The following CABLES1 variants were observed in gnomAD, a reference collection of about 807,000 sequenced individuals.
CABLES1 encodes the protein CDK5 and ABL1 enzyme substrate 1.
Under a neutral mutation model 57.8 loss-of-function variants are expected in CABLES1, and 36 were observed. The ratio of observed to expected loss-of-function variants is 0.62; its 90% CI spans 0.48 to 0.82. The LOEUF is 0.82. Ranked by LOEUF, CABLES1 falls within the 40% of genes least tolerant of loss-of-function variation. The probability of loss-of-function intolerance (pLI) is 0.00; values close to 1 mark genes in which losing one functional copy is unlikely to be tolerated. For missense variants in CABLES1, 767 were observed against 836.6 expected (o/e 0.92, Z 1.03); for synonymous variants, 374 against 363.0 (o/e 1.03, Z -0.35).
At chr18:23,178,544 A>G (rs2047141553) in intron 1 of CABLES1, among the ~76,000 whole-genome samples, 2 of 152,196 alleles carry the variant, frequency 1.3e-5, no homozygotes, top group Non-Finnish European at 1.5e-5. Context: ...CCCTTTGTCA[A>G]AAGAGTTTGA....
At chr18:23,236,116 G>T in intron 6 of CABLES1, 65 bp downstream of exon 6, 1 of 1,549,776 alleles carries the variant, frequency 6.5e-7, no homozygotes, top group Non-Finnish European at 8.8e-7. Context: ...TTTACATGGG[G>T]ATTGAGTCTC....
chr18:23,218,733 G>A (rs1195312170), intron 4 of CABLES1, among the ~76,000 whole-genome samples: 1 of 152,230 alleles, frequency 6.6e-6, no homozygotes, highest in Non-Finnish European at 1.5e-5. Context: ...CTTGAACACT[G>A]ATTGTGGATT....
At chr18:23,235,821 T>A in intron 5 of CABLES1, 74 bp from the exon 6 acceptor site, 4 of 1,429,316 alleles carry the variant, frequency 2.8e-6, no homozygotes, top group Admixed American at 3.5e-5. Context: ...GGGTGACAAC[T>A]GTAGCTTGAT....
At chr18:23,173,521 C>G (rs1287073763) in intron 1 of CABLES1, among the ~76,000 whole-genome samples, 1 of 152,218 alleles carries the variant, frequency 6.6e-6, no homozygotes, top group Non-Finnish European at 1.5e-5. Flanking sequence ...AAAAACAGTT[C>G]TAATCTGTTG....
At chr18:23,247,225 T>G (rs986577435) in intron 7 of CABLES1, among the ~76,000 whole-genome samples, 2 of 152,200 alleles carry the variant, frequency 1.3e-5, no homozygotes, top group African/African-American at 4.8e-5. Flanking sequence ...TCAGGCTCCC[T>G]CAAGACAGGA....
chr18:23,238,208 C>G (rs2047653148), intron 7 of CABLES1, among the ~76,000 whole-genome samples: 1 of 152,222 alleles, frequency 6.6e-6, no homozygotes, highest in Middle Eastern at 3.2e-3. Context: ...CTGCAGTAGC[C>G]AGAGTGGAAA....
intron 7 of CABLES1, among the ~76,000 whole-genome samples, chr18:23,246,357 A>G (rs961404817): frequency 1.3e-5 from 2 of 151,522 alleles, no homozygotes; most frequent in African/African-American, 4.8e-5. Flanking sequence ...TTACAGTAGC[A>G]TGCACTGGCA....
rs1470217668 is a variant in CABLES1 at position 23,234,642 on chromosome 18, G to A, written c.1123G>A (p.Gly375Ser). The change falls in exon 5 of 10, where the codon GGT becomes AGT. Residue 375 changes from glycine (G) to serine (S), a missense_variant. Physicochemically the swap from Gly to Ser is moderately conservative, Grantham distance 56. Around this residue, in one of 4 missense-constraint regions of CABLES1, gnomAD observed 529 missense variants for 622.8 expected, o/e 0.85. Transcript: ENST00000256925. ...LKLDGGRQST[G>S]AVSLKEIIGL... The stretch of plus-strand genomic sequence containing the variant: ...GTTGGACGGAGGAAGACAATCAACT[G>A]GTGCAGTGAGTTTGAAAGAGATCAT... 6.2e-7 allele frequency: 1 copy of A among 1,613,934 alleles called. No homozygotes were observed.
At chr18:23,169,084 T>C (rs1024038889) in intron 1 of CABLES1, among the ~76,000 whole-genome samples, 5 of 152,164 alleles carry the variant, frequency 3.3e-5, no homozygotes, top group Non-Finnish European at 7.4e-5. Context: ...AAATGGCCAC[T>C]AGAGTGACCT....
chr18:23,150,218 T>A, intron 1 of CABLES1, among the ~76,000 whole-genome samples: 1 of 145,150 alleles, frequency 6.9e-6, no homozygotes, highest in African/African-American at 2.6e-5. Context: ...TTTTTTTTTT[T>A]TTTTTTTTGA....
chr18:23,141,408 T>A (rs2046857132), intron 1 of CABLES1, among the ~76,000 whole-genome samples: 1 of 152,208 alleles, frequency 6.6e-6, no homozygotes, highest in African/African-American at 2.4e-5. Flanking sequence ...GGATGCTGTT[T>A]CCTAGCTTTT....
intron 7 of CABLES1, among the ~76,000 whole-genome samples, chr18:23,246,436 G>T (rs538856712): frequency 6.6e-6 from 1 of 151,942 alleles, no homozygotes; most frequent in African/African-American, 2.4e-5. Flanking sequence ...CTGTCGCCCA[G>T]GCTGAAGTGC....
At chr18:23,145,326 C>T (rs1445204610) in intron 1 of CABLES1, among the ~76,000 whole-genome samples, 1 of 152,060 alleles carries the variant, frequency 6.6e-6, no homozygotes, top group Middle Eastern at 3.2e-3. Flanking sequence ...CTGTCTTGAC[C>T]TTGTGATCCA....
chr18:23,238,158 G>T (rs965704233), intron 7 of CABLES1, among the ~76,000 whole-genome samples: 50 of 152,270 alleles, frequency 3.3e-4, no homozygotes, highest in Non-Finnish European at 1.5e-4. Context: ...AGCCTTAGGA[G>T]TGAACCAGGG....
intron 4 of CABLES1, among the ~76,000 whole-genome samples, chr18:23,226,275 G>A (rs2047526660): frequency 6.6e-6 from 1 of 152,110 alleles, no homozygotes; most frequent in Admixed American, 6.6e-5. Context: ...GGTGGCATGT[G>A]CCCGTAGTCC....
chr18:23,156,102 CG>C, intron 1 of CABLES1: 1 of 898,910 alleles, frequency 1.1e-6, no homozygotes. Context: ...GGGCCAGCAG[CG>C]GGGGCTGGAG....
At chr18:23,161,589 A>G (rs977372645) in intron 1 of CABLES1, among the ~76,000 whole-genome samples, 7 of 150,460 alleles carry the variant, frequency 4.7e-5, no homozygotes, top group African/African-American at 1.7e-4. Flanking sequence ...ATACGTATGT[A>G]TCTGCATTTA....
chr18:23,176,206 A>C (rs566517047), intron 1 of CABLES1, among the ~76,000 whole-genome samples: 1 of 152,232 alleles, frequency 6.6e-6, no homozygotes, highest in South Asian at 2.1e-4. Flanking sequence ...GTTTCCTGGA[A>C]GACAATTTTT....
At chr18:23,164,074 C>T (rs924442323) in intron 1 of CABLES1, among the ~76,000 whole-genome samples, 2 of 152,164 alleles carry the variant, frequency 1.3e-5, no homozygotes, top group Non-Finnish European at 2.9e-5. Context: ...GTGCTTAGGA[C>T]TCTGTGGCCA....
Sources: gnomAD v4.1 joint callset for allele counts (sites outside exome capture counted in the v4.1 genomes callset) on GRCh38, gnomAD v4.1.1 for gene constraint, gnomAD v4.1.1 regional missense constraint, MANE v1.5 for transcripts, NCBI Gene and HGNC (gene_info 2026-07-23, HGNC 2026-07-21) for gene names.